Variants in CDH13 observed in about 807,000 individuals in gnomAD.
CDH13 encodes the protein cadherin-13.
In CDH13, 24 loss-of-function variants were observed where a neutral mutation model predicts 63.8. The ratio of observed to expected loss-of-function variants is 0.38; its 90% CI spans 0.27 to 0.53. The LOEUF (loss-of-function observed/expected upper bound fraction) is 0.53. Ranked by LOEUF, CDH13 falls within the 20% of genes least tolerant of loss-of-function variation. CDH13 has a pLI of 0.85. For synonymous variants in CDH13, 503 were observed against 355.3 expected (o/e 1.42, Z -4.67); for missense variants, 1,049 against 903.1 (o/e 1.16, Z -2.07).
intron 1 of CDH13, among the ~76,000 whole-genome samples, chr16:82,827,963 C>G (rs1426498426): frequency 6.6e-6 from 1 of 152,090 alleles, no homozygotes; most frequent in Non-Finnish European, 1.5e-5. Flanking sequence ...TCCTGGTTTG[C>G]CCAATTCTGT....
At chr16:83,309,396 G>A (rs767707576) in intron 5 of CDH13, among the ~76,000 whole-genome samples, 2 of 150,246 alleles carry the variant, frequency 1.3e-5, no homozygotes, top group African/African-American at 4.9e-5. Context: ...TTTTTTTTGA[G>A]ACAGAATCTT....
At chr16:82,919,402 C>T (rs2042088090) in intron 2 of CDH13, among the ~76,000 whole-genome samples, 1 of 152,108 alleles carries the variant, frequency 6.6e-6, no homozygotes, top group East Asian at 1.9e-4. Context: ...TGTTGTTTCC[C>T]CTTTGTGTCC....
chr16:82,992,460 A>G (rs947232427), intron 2 of CDH13, among the ~76,000 whole-genome samples: 2 of 152,218 alleles, frequency 1.3e-5, no homozygotes, highest in African/African-American at 4.8e-5. Flanking sequence ...CTCTACGTGC[A>G]GAGAGACTGG....
At chr16:83,697,103 A>G (rs893032309) in intron 10 of CDH13, among the ~76,000 whole-genome samples, 14 of 152,162 alleles carry the variant, frequency 9.2e-5, no homozygotes, top group African/African-American at 2.9e-4. Flanking sequence ...TTATTCACAA[A>G]TTCCATATTT....
chr16:83,520,657 T>C (rs1338004786), intron 7 of CDH13, among the ~76,000 whole-genome samples: 1 of 152,220 alleles, frequency 6.6e-6, no homozygotes, highest in African/African-American at 2.4e-5. Context: ...CAATTGCCAA[T>C]TTTGATTACA....
chr16:82,890,339 A>G (rs2041035432), intron 2 of CDH13, among the ~76,000 whole-genome samples: 1 of 152,226 alleles, frequency 6.6e-6, no homozygotes. Flanking sequence ...CCCTTTCAGT[A>G]AGGCATGTGA....
chr16:83,411,226 C>T (rs545698640), intron 6 of CDH13, among the ~76,000 whole-genome samples: 1 of 152,218 alleles, frequency 6.6e-6, no homozygotes, highest in African/African-American at 2.4e-5. Flanking sequence ...CTGAGACCAC[C>T]TTGTTATTCA....
chr16:83,135,149 C>G (rs1253090847), intron 4 of CDH13, among the ~76,000 whole-genome samples: 2 of 152,182 alleles, frequency 1.3e-5, no homozygotes, highest in African/African-American at 4.8e-5. Flanking sequence ...CCCTACTGTC[C>G]TGCTTAGTTT....
chr16:82,852,334 C>T (rs767660779), intron 1 of CDH13, among the ~76,000 whole-genome samples: 4 of 152,176 alleles, frequency 2.6e-5, no homozygotes, highest in Non-Finnish European at 4.4e-5. Context: ...CTTTGCACAG[C>T]GTTCCGTGGA....
intron 4 of CDH13, among the ~76,000 whole-genome samples, chr16:83,210,370 C>G (rs1003186355): frequency 6.6e-6 from 1 of 151,840 alleles, no homozygotes; most frequent in African/African-American, 2.4e-5. Flanking sequence ...AGGCCGATTG[C>G]AAGTTTTCAT....
chr16:82,657,748 G>T (rs1359241946), intron 1 of CDH13, among the ~76,000 whole-genome samples: 1 of 152,150 alleles, frequency 6.6e-6, no homozygotes, highest in Non-Finnish European at 1.5e-5. Context: ...TGGTACATAG[G>T]AAAGTGATTG....
rs115987023 is a variant in CDH13 at position 83,095,868 on chromosome 16, A to C, written c.367-29517A>C. The stretch of plus-strand genomic sequence containing the variant: ...TAGAGGCATGCAGTGAATAAAATGC[A>C]CTGAGAGAAGCCCATAAAACAATAT... On this transcript the variant is annotated intron_variant, in intron 3 of 13. Transcript: ENST00000567109. Among the ~76,000 whole-genome samples the C allele has an allele frequency of 4.1e-3, 617 of 152,340 alleles. 3 individuals carry two copies. Among genetic ancestry groups the C allele is most frequent in the African/African-American group, 0.014 (593 of 41,582 alleles).
chr16:83,297,173 T>C (rs1008494346), intron 5 of CDH13, among the ~76,000 whole-genome samples: 1 of 152,096 alleles, frequency 6.6e-6, no homozygotes, highest in African/African-American at 2.4e-5. Flanking sequence ...CATAATAGGG[T>C]GACTATAGTT....
chr16:83,375,473 T>C (rs1409493929), intron 6 of CDH13, among the ~76,000 whole-genome samples: 1 of 152,204 alleles, frequency 6.6e-6, no homozygotes, highest in Non-Finnish European at 1.5e-5. Flanking sequence ...ATCTGTTGTG[T>C]GCAGAGAAAT....
intron 8 of CDH13, among the ~76,000 whole-genome samples, chr16:83,657,827 C>T (rs925345762): frequency 6.6e-6 from 1 of 152,154 alleles, no homozygotes; most frequent in East Asian, 1.9e-4. Flanking sequence ...ATGTCCTCAC[C>T]AGCAAGGTCC....
At chr16:83,592,018 C>T (rs1002438793) in intron 7 of CDH13, among the ~76,000 whole-genome samples, 10 of 152,156 alleles carry the variant, frequency 6.6e-5, no homozygotes, top group Non-Finnish European at 7.3e-5. Flanking sequence ...TAATCTCTTC[C>T]GGCCTCCACC....
At chr16:83,230,940 C>T (rs377499539) in intron 5 of CDH13, among the ~76,000 whole-genome samples, 58 of 152,336 alleles carry the variant, frequency 3.8e-4, no homozygotes, top group African/African-American at 1.3e-3. Context: ...GTGAACCAAG[C>T]ATATGCCGGG....
intron 10 of CDH13, among the ~76,000 whole-genome samples, chr16:83,727,431 A>T (rs1329987753): frequency 6.6e-6 from 1 of 151,328 alleles, no homozygotes; most frequent in Non-Finnish European, 1.5e-5. Flanking sequence ...ATTTTATAGC[A>T]AGCACCCTTT....
chr16:83,052,541 AG>A (rs1271659153), intron 3 of CDH13, among the ~76,000 whole-genome samples: 3 of 152,214 alleles, frequency 2.0e-5, no homozygotes, highest in African/African-American at 7.2e-5. Context: ...ACAGTTTGGG[AG>A]GCCAAGGCGG....
Sources: allele counts gnomAD v4.1 joint callset (sites outside exome capture counted in the v4.1 genomes callset), GRCh38; gene constraint gnomAD v4.1.1; transcripts MANE v1.5; gene names NCBI Gene and HGNC (gene_info 2026-07-23, HGNC 2026-07-21).